AFDN: variants seen among roughly 807,000 people sequenced by gnomAD.
AFDN encodes the protein afadin.
A neutral mutation model predicts 216.6 loss-of-function variants in AFDN; 68 were observed. The ratio of observed to expected loss-of-function variants is 0.31; its 90% confidence interval spans 0.26 to 0.38. The LOEUF is 0.38. Among genes scored for constraint, AFDN ranks in the 10% least tolerant of loss-of-function variants. The pLI, the probability that AFDN is intolerant of heterozygous loss-of-function variation, is 1.00. For synonymous variants in AFDN, 868 were observed against 853.7 expected, an observed-to-expected ratio of 1.02 and a Z score of -0.29; for missense variants, 2,136 against 2,342.0, an observed-to-expected ratio of 0.91 and a Z score of 1.82.
intron 2 of AFDN, among the ~76,000 whole-genome samples, chr6:167,867,657 G>A (rs1178256551): frequency 1.3e-5 from 2 of 151,850 alleles, no homozygotes; most frequent in South Asian, 2.1e-4. Flanking sequence ...GGTCTTGAAC[G>A]CCTGACCTTG....
chr6:167,862,785 T>C (rs912009355), intron 1 of AFDN, among the ~76,000 whole-genome samples: 1 of 152,230 alleles, frequency 6.6e-6, no homozygotes, highest in Non-Finnish European at 1.5e-5. Flanking sequence ...AGGTTGTTGA[T>C]AGAATTTCTG....
At chr6:167,905,901 C>G (rs1007173093) in intron 12 of AFDN, among the ~76,000 whole-genome samples, 1 of 152,134 alleles carries the variant, frequency 6.6e-6, no homozygotes, top group Non-Finnish European at 1.5e-5. Flanking sequence ...GTCAGGAGAT[C>G]GAGACCATCC....
chr6:167,928,474 G>C lies in AFDN; in HGVS notation c.3099+3383G>C, dbSNP rs576310997. 7.2e-5 allele frequency among the ~76,000 whole-genome samples: 11 copies of C among 152,376 alleles called. No homozygotes were observed. The South Asian group carries it at 2.3e-3, about 32-fold the overall frequency. On this transcript the variant is annotated intron_variant, in intron 23 of 33. Transcript: ENST00000683244. ...CCCCAGTGTCAGGTGACAGTCAGAT[G>C]ATGCCCAGATGAGGAGAATCCTCTC...
intron 33 of AFDN, among the ~76,000 whole-genome samples, 192 bp downstream of exon 33, chr6:167,969,390 G>A (rs1457361648): frequency 1.3e-5 from 2 of 152,126 alleles, no homozygotes; most frequent in Non-Finnish European, 2.9e-5. Context: ...AAAATCATCA[G>A]TACTATTCTA....
At chr6:167,957,623 C>T (rs1297140819) in intron 30 of AFDN, among the ~76,000 whole-genome samples, 3 of 152,190 alleles carry the variant, frequency 2.0e-5, no homozygotes, top group Non-Finnish European at 2.9e-5. Context: ...CTTTATATCG[C>T]ATGGGCAAAT....
At chr6:167,954,127 T>G (rs185672479) in intron 30 of AFDN, among the ~76,000 whole-genome samples, 1 of 152,246 alleles carries the variant, frequency 6.6e-6, no homozygotes, top group African/African-American at 2.4e-5. Flanking sequence ...AAGTTTCTTA[T>G]GAAAATTTAG....
At chr6:167,955,536 A>C (rs1452733905) in intron 30 of AFDN, among the ~76,000 whole-genome samples, 6 of 152,182 alleles carry the variant, frequency 3.9e-5, no homozygotes, top group Non-Finnish European at 7.3e-5. Context: ...TTCATTCAGC[A>C]AATACTTGCT....
intron 6 of AFDN, 112 bp downstream of exon 6, chr6:167,880,629 A>G: frequency 9.4e-7 from 1 of 1,060,324 alleles, no homozygotes; most frequent in Non-Finnish European, 1.4e-6. Context: ...TTAGAATCTG[A>G]TAATTTACAA....
At chr6:167,826,650 C>G, upstream of AFDN, 1 of 489,990 alleles carries the variant, frequency 2.0e-6, no homozygotes, top group South Asian at 1.6e-5. Flanking sequence ...GCGTCCGAAC[C>G]GAACCTAGCA....
chr6:167,964,421 C>T (rs1289628211), intron 31 of AFDN: 1 of 1,065,062 alleles, frequency 9.4e-7, no homozygotes, highest in Non-Finnish European at 1.1e-6. Flanking sequence ...AGAAGTCATT[C>T]TGGTTTATTC....
At chr6:167,846,366 A>G (rs999871697) in intron 1 of AFDN, among the ~76,000 whole-genome samples, 20 of 152,304 alleles carry the variant, frequency 1.3e-4, no homozygotes, top group African/African-American at 4.3e-4. Context: ...CTACAAAAAT[A>G]CTAAAATAAT....
intron 1 of AFDN, among the ~76,000 whole-genome samples, chr6:167,841,276 G>A (rs929241809): frequency 5.9e-5 from 9 of 152,150 alleles, no homozygotes; most frequent in Non-Finnish European, 1.2e-4. Context: ...TTTCCCAGAG[G>A]CATCCTACAT....
chr6:167,964,429 T>C, intron 31 of AFDN: 1 of 1,065,280 alleles, frequency 9.4e-7, no homozygotes, highest in Non-Finnish European at 1.1e-6. Context: ...TTCTGGTTTA[T>C]TCCTCACTCC....
intron 2 of AFDN, among the ~76,000 whole-genome samples, chr6:167,866,333 T>G (rs1034029440): frequency 1.2e-4 from 18 of 151,994 alleles, no homozygotes; most frequent in South Asian, 4.2e-4. Context: ...AAAGTGCTGG[T>G]TTTTTTTCAC....
intron 21 of AFDN, among the ~76,000 whole-genome samples, chr6:167,921,294 C>T (rs1345725248): frequency 6.6e-6 from 1 of 152,190 alleles, no homozygotes; most frequent in African/African-American, 2.4e-5. Flanking sequence ...CATAAGCTCT[C>T]TTAAATGATT....
At position 167,902,438 on chromosome 6, in the gene AFDN, G is replaced by A. The variant is rs774037347; in HGVS notation, c.1650+52G>A. On this transcript the variant is annotated intron_variant, in intron 12 of 33. Transcript: ENST00000683244. ...AAGTGTGCTTGCTATAGGACACCATGGATGAATACAGTAGTGGTGGGGGAT... is the reference window on the plus strand; with the variant it reads ...AAGTGTGCTTGCTATAGGACACCATAGATGAATACAGTAGTGGTGGGGGAT... 1.7e-5 allele frequency: 22 copies of A among 1,314,702 alleles called. No individual in the cohort carries two copies. The African/African-American group carries it at 1.9e-4, about 11-fold the overall frequency. 81.4% of individuals were successfully genotyped at this position (1,314,702 alleles called of 1,614,324 possible).
intron 26 of AFDN, among the ~76,000 whole-genome samples, chr6:167,945,516 C>A (rs372569506): frequency 6.6e-6 from 1 of 152,090 alleles, no homozygotes; most frequent in South Asian, 2.1e-4. Context: ...TATTATATAC[C>A]GTGTATAATT....
chr6:167,894,276 T>G (rs374757838), intron 9 of AFDN, among the ~76,000 whole-genome samples: 5 of 152,114 alleles, frequency 3.3e-5, no homozygotes, highest in East Asian at 1.9e-4. Context: ...AGGAAAACTT[T>G]CTGGTAGCAG....
chr6:167,829,679 G>GT (rs950128209), intron 1 of AFDN, among the ~76,000 whole-genome samples: 136 of 144,914 alleles, frequency 9.4e-4, no homozygotes, highest in South Asian at 1.1e-3. Flanking sequence ...TTCTTTTGTT[G>GT]TTTTTTTTTT....
Sources: allele counts gnomAD v4.1 joint callset (sites outside exome capture counted in the v4.1 genomes callset), GRCh38; gene constraint gnomAD v4.1.1; transcripts MANE v1.5; gene names NCBI Gene and HGNC (gene_info 2026-07-23, HGNC 2026-07-21).